The following PPFIA2 variants were observed in gnomAD, a reference collection of about 807,000 sequenced individuals.
The protein encoded by PPFIA2 is PPFI scaffold protein A2.
Under a neutral mutation model 175.5 loss-of-function variants are expected in PPFIA2, and 46 were observed. That is an observed-to-expected ratio of 0.26 (90% CI 0.21 to 0.34). The LOEUF (loss-of-function observed/expected upper bound fraction) is 0.34. Ranked by LOEUF, PPFIA2 falls within the 10% of genes least tolerant of loss-of-function variation. The pLI is 1.00. For missense variants in PPFIA2, 1,179 were observed against 1,506.1 expected (o/e 0.78, Z 3.60); for synonymous variants, 568 against 511.4 (o/e 1.11, Z -1.49).
chr12:81,693,908 T>A (rs2075574653), intron 3 of PPFIA2, among the ~76,000 whole-genome samples: 1 of 152,102 alleles, frequency 6.6e-6, no homozygotes, highest in Admixed American at 6.5e-5. Flanking sequence ...CTGTTCCTAC[T>A]ATAGGGATCT....
At chr12:81,495,116 G>T (rs2059893935) in intron 4 of PPFIA2, among the ~76,000 whole-genome samples, 1 of 151,566 alleles carries the variant, frequency 6.6e-6, no homozygotes, top group African/African-American at 2.4e-5. Context: ...TTAAAAAAAA[G>T]AAAAAGTGTC....
At chr12:81,582,122 C>T (rs1356719556) in intron 4 of PPFIA2, among the ~76,000 whole-genome samples, 7 of 151,786 alleles carry the variant, frequency 4.6e-5, no homozygotes, top group Non-Finnish European at 7.4e-5. Flanking sequence ...GATTATTTTA[C>T]TCCAATACTT....
At chr12:81,415,207 AAAAATATATATATATATATATATATAT>A (rs2044890493) in intron 7 of PPFIA2, among the ~76,000 whole-genome samples, 2 of 41,280 alleles carry the variant, frequency 4.8e-5, no homozygotes, top group Non-Finnish European at 9.2e-5. Flanking sequence ...AAAAAAAAAA[AAAAATATATATATATATATATATATAT>A]ATATATATAT....
chr12:81,473,358 G>A (rs529405798), intron 4 of PPFIA2, among the ~76,000 whole-genome samples: 2 of 152,266 alleles, frequency 1.3e-5, no homozygotes, highest in Admixed American at 6.5e-5. Flanking sequence ...GCAGTGAGCC[G>A]AGATTGAGCC....
chr12:81,596,566 C>G (rs1347225475), intron 4 of PPFIA2, among the ~76,000 whole-genome samples: 1 of 152,132 alleles, frequency 6.6e-6, no homozygotes, highest in Admixed American at 6.6e-5. Flanking sequence ...TCAGTAAGAT[C>G]TTTACTGAAA....
chr12:81,531,391 AC>A (rs1447159755), intron 4 of PPFIA2, among the ~76,000 whole-genome samples: 1 of 151,802 alleles, frequency 6.6e-6, no homozygotes, highest in Non-Finnish European at 1.5e-5. Flanking sequence ...AATGGAGTGT[AC>A]CATGAAATCA....
At chr12:81,419,204 G>A (rs905686419) in intron 7 of PPFIA2, among the ~76,000 whole-genome samples, 12 of 151,822 alleles carry the variant, frequency 7.9e-5, no homozygotes, top group East Asian at 3.9e-4. Context: ...TGATTTGTGC[G>A]GTAGAATTCT....
At chr12:81,412,102 C>T (rs1439620144) in intron 7 of PPFIA2, among the ~76,000 whole-genome samples, 2 of 151,570 alleles carry the variant, frequency 1.3e-5, no homozygotes, top group African/African-American at 2.4e-5. Flanking sequence ...CAAGTTGATG[C>T]CTTGGAGACT....
intron 7 of PPFIA2, among the ~76,000 whole-genome samples, chr12:81,419,968 T>C (rs946016049): frequency 9.2e-5 from 14 of 152,142 alleles, no homozygotes; most frequent in Admixed American, 8.5e-4. Context: ...AAAGCTTTCA[T>C]GACTGGGGAC....
intron 12 of PPFIA2, 101 bp from the exon 13 acceptor site, chr12:81,368,957 T>G (rs1442929260): frequency 1.3e-5 from 18 of 1,387,824 alleles, no homozygotes; most frequent in Non-Finnish European, 1.6e-5. Context: ...TACATCTGTT[T>G]TGATTAAAGT....
chr12:81,377,084 G>T (rs2036541014), intron 9 of PPFIA2, among the ~76,000 whole-genome samples: 1 of 151,854 alleles, frequency 6.6e-6, no homozygotes, highest in South Asian at 2.1e-4. Flanking sequence ...AATAAAGAGA[G>T]AAAATACCAG....
rs531113866 is a variant in PPFIA2, at chr12:81,598,275, T to A, written c.303+78516A>T. The A allele has an allele frequency of 1.2e-5, 15 of 1,240,326 alleles. No homozygotes were observed. In the South Asian group the frequency reaches 3.1e-4, roughly 26 times the overall value. 76.8% of individuals were successfully genotyped at this position (1,240,326 alleles called of 1,614,324 possible). A position where few individuals can be genotyped will look rare whatever the true frequency, so the allele number is the denominator to read the frequency against. ...GTTCTCTAGAACATACAATGTTTTT[T>A]AAAAAATTAAAAACACAGAAGGAAA... On this transcript the variant is annotated intron_variant, in intron 4 of 32. Transcript: ENST00000549396.
chr12:81,715,745 G>A lies in PPFIA2; in HGVS notation c.249+38228C>T, dbSNP rs569394202. Among the ~76,000 whole-genome samples the A allele has an allele frequency of 5.9e-5, 9 of 151,816 alleles. No homozygotes were observed. The South Asian group carries it at 1.0e-3, about 17-fold the overall frequency. ...TCACATAAAACAATCGTACAATCACGATAAAAGTATATTCCCATGAAATTT... is the reference window on the plus strand; with the variant it reads ...TCACATAAAACAATCGTACAATCACAATAAAAGTATATTCCCATGAAATTT... On this transcript the variant is annotated intron_variant, in intron 3 of 32. Transcript: ENST00000549396.
At chr12:81,696,440 G>C (rs2075901631) in intron 3 of PPFIA2, among the ~76,000 whole-genome samples, 1 of 152,140 alleles carries the variant, frequency 6.6e-6, no homozygotes, top group Non-Finnish European at 1.5e-5. Flanking sequence ...GAAGTATTGG[G>C]ACCCAGTGAA....
At chr12:81,639,551 T>C (rs141625021) in intron 4 of PPFIA2, among the ~76,000 whole-genome samples, 1 of 149,420 alleles carries the variant, frequency 6.7e-6, no homozygotes, top group African/African-American at 2.4e-5. Flanking sequence ...AAAAAAAATA[T>C]ATATATATAT....
At chr12:81,341,037 A>T (rs2140322076) in intron 20 of PPFIA2, 41 bp downstream of exon 20, 1 of 1,526,072 alleles carries the variant, frequency 6.6e-7, no homozygotes, top group South Asian at 1.2e-5. Flanking sequence ...ATATTTTTGG[A>T]AGGAGGGCAT....
chr12:81,745,023 T>C (rs1437138045), intron 3 of PPFIA2, among the ~76,000 whole-genome samples: 1 of 152,214 alleles, frequency 6.6e-6, no homozygotes, highest in South Asian at 2.1e-4. Flanking sequence ...GTTTAATGAA[T>C]AAGCTGAATT....
At chr12:81,708,182 A>C (rs962215160) in intron 3 of PPFIA2, among the ~76,000 whole-genome samples, 1 of 152,148 alleles carries the variant, frequency 6.6e-6, no homozygotes, top group African/African-American at 2.4e-5. Context: ...TAATAAAAAA[A>C]CAAAAAAAAT....
intron 4 of PPFIA2, among the ~76,000 whole-genome samples, chr12:81,482,626 C>G (rs2058370261): frequency 6.6e-6 from 1 of 152,096 alleles, no homozygotes; most frequent in Non-Finnish European, 1.5e-5. Context: ...TCTCAGCTAA[C>G]CAACACAGGA....
Sources: gnomAD v4.1 joint callset for allele counts (sites outside exome capture counted in the v4.1 genomes callset) on GRCh38, gnomAD v4.1.1 for gene constraint, MANE v1.5 for transcripts, NCBI Gene and HGNC (gene_info 2026-07-23, HGNC 2026-07-21) for gene names.